PTPRT: variants seen among roughly 807,000 people sequenced by gnomAD.
The protein encoded by PTPRT is protein tyrosine phosphatase receptor type T.
Under a neutral mutation model 176.8 loss-of-function variants are expected in PTPRT, and 56 were observed. The ratio of observed to expected loss-of-function variants is 0.32; its 90% CI spans 0.26 to 0.40. The LOEUF is 0.40. Ranked by LOEUF, PTPRT falls within the 10% of genes least tolerant of loss-of-function variation. The pLI, the probability that PTPRT is intolerant of heterozygous loss-of-function variation, is 1.00. For synonymous variants in PTPRT, 783 were observed against 739.0 expected (o/e 1.06, Z -0.96); for missense variants, 1,540 against 1,908.2 (o/e 0.81, Z 3.60).
chr20:42,315,156 G>T (rs1351351884), intron 12 of PTPRT, among the ~76,000 whole-genome samples: 1 of 62,238 alleles, frequency 1.6e-5, no homozygotes, highest in East Asian at 2.6e-4. Flanking sequence ...CCGCAGTCCG[G>T]CCTGGGCGAC....
chr20:42,500,055 G>T (rs1465686856), intron 7 of PTPRT, among the ~76,000 whole-genome samples: 1 of 151,748 alleles, frequency 6.6e-6, no homozygotes, highest in Non-Finnish European at 1.5e-5. Context: ...CACTAACATG[G>T]TATGTCTCTT....
intron 4 of PTPRT, among the ~76,000 whole-genome samples, chr20:42,773,331 A>G (rs527827104): frequency 6.6e-6 from 1 of 152,182 alleles, no homozygotes; most frequent in Non-Finnish European, 1.5e-5. Flanking sequence ...GGTGCTTGAG[A>G]AGTGGCCTGG....
intron 7 of PTPRT, among the ~76,000 whole-genome samples, chr20:42,633,838 A>G (rs1392676123): frequency 3.2e-5 from 3 of 94,544 alleles, no homozygotes; most frequent in African/African-American, 1.4e-4. Flanking sequence ...TTAATATATT[A>G]TAATAATATA....
At chr20:42,652,654 C>T (rs2145974342) in intron 7 of PTPRT, among the ~76,000 whole-genome samples, 1 of 152,254 alleles carries the variant, frequency 6.6e-6, no homozygotes, top group Non-Finnish European at 1.5e-5. Flanking sequence ...CTACTGAAGA[C>T]ATTGATGCCT....
At chr20:42,919,191 A>AT (rs1482710710) in intron 1 of PTPRT, among the ~76,000 whole-genome samples, 1 of 152,194 alleles carries the variant, frequency 6.6e-6, no homozygotes, top group African/African-American at 2.4e-5. Flanking sequence ...GCATAAAGGG[A>AT]CACCCATTTA....
rs368430134 is a variant in PTPRT at position 42,075,746 on chromosome 20, C to T, written c.*5133G>A. On this transcript the variant is annotated 3_prime_UTR_variant, in exon 31 of 31. Transcript: ENST00000373187. ...TACTCTAAGGGGTTCCCACCAGCGA[C>T]GAGGAAATGTAGATCCTGGTGAGGA... 1.8e-4 allele frequency: 36 copies of T among 204,436 alleles called. No homozygotes were observed. Among genetic ancestry groups the T allele is most frequent in the East Asian group, 1.2e-3 (16 of 13,398 alleles). 12.7% of individuals were successfully genotyped at this position (204,436 alleles called of 1,614,324 possible). A position where few individuals can be genotyped will look rare whatever the true frequency, so the allele number is the denominator to read the frequency against.
intron 9 of PTPRT, among the ~76,000 whole-genome samples, chr20:42,384,718 C>T (rs868196640): frequency 6.6e-6 from 1 of 152,138 alleles, no homozygotes; most frequent in African/African-American, 2.4e-5. Context: ...ACATCTCCAC[C>T]AACAGTGTGC....
At chr20:42,166,941 G>C (rs1313256253) in intron 16 of PTPRT, among the ~76,000 whole-genome samples, 2 of 151,926 alleles carry the variant, frequency 1.3e-5, no homozygotes, top group East Asian at 3.9e-4. Context: ...AAAAAGGGGG[G>C]TCTGTTCATG....
intron 7 of PTPRT, among the ~76,000 whole-genome samples, chr20:42,480,640 GA>G (rs1316757302): frequency 2.0e-5 from 3 of 152,164 alleles, no homozygotes; most frequent in African/African-American, 7.2e-5. Context: ...GATGAAGCTT[GA>G]TAAGTCTTTT....
intron 14 of PTPRT, among the ~76,000 whole-genome samples, chr20:42,246,266 C>G (rs1460841780): frequency 6.6e-6 from 1 of 151,794 alleles, no homozygotes; most frequent in Non-Finnish European, 1.5e-5. Flanking sequence ...AGAGTGCAGG[C>G]CTATGTTCAA....
At position 42,282,483 on chromosome 20, in the gene PTPRT, A is replaced by G; in HGVS notation, c.2176+6T>C. The G allele has an allele frequency of 6.2e-7, 1 of 1,605,632 alleles. No individual in the cohort carries two copies. ...GGTGAAGACAGACAAGCAGATGCCA[A>G]CATACCTTTTGTAGCCAGACGAACA... On this transcript the variant is annotated splice_donor_region_variant and intron_variant, in intron 13 of 30. Transcript: ENST00000373187.
intron 7 of PTPRT, among the ~76,000 whole-genome samples, chr20:42,558,571 G>A (rs1464914486): frequency 6.6e-6 from 1 of 152,046 alleles, no homozygotes; most frequent in African/African-American, 2.4e-5. Flanking sequence ...CTGTTGGTGG[G>A]AGTGTGTATT....
At chr20:42,907,303 A>G (rs2079491004) in intron 1 of PTPRT, among the ~76,000 whole-genome samples, 1 of 152,162 alleles carries the variant, frequency 6.6e-6, no homozygotes, top group Non-Finnish European at 1.5e-5. Context: ...ACCTGAAAAA[A>G]CAATCGGATT....
chr20:43,088,333 G>GGTGTGTGTGTGT (rs67837016), intron 1 of PTPRT, among the ~76,000 whole-genome samples: 12 of 142,848 alleles, frequency 8.4e-5, no homozygotes, highest in African/African-American at 1.3e-4. Context: ...TTTGCTTTGG[G>GGTGTGTGTGTGT]GTGTGTGTGT....
intron 9 of PTPRT, among the ~76,000 whole-genome samples, chr20:42,412,596 G>A (rs886737109): frequency 6.6e-6 from 1 of 152,158 alleles, no homozygotes; most frequent in Non-Finnish European, 1.5e-5. Context: ...TCAAAGACTT[G>A]TACACAAATA....
chr20:42,115,314 A>G lies in PTPRT; in HGVS notation c.2984T>C (p.Val995Ala). The G allele has an allele frequency of 1.2e-6, 2 of 1,611,620 alleles. No individual in the cohort carries two copies. The highest frequency in any genetic ancestry group is 1.7e-6 in the Non-Finnish European group (2 of 1,177,910). ...MVTNLVEVGR[V>A]KCVRYWPDDT... is the part of the protein sequence containing the mutation. ...ATCTGGCCAGTATCGCACACATTTC[A>G]CCTGTGGCCAAGTGAGAGACAGAGA... The change falls in exon 22 of 31, where the codon GTG becomes GCG. Residue 995 changes from valine (V) to alanine (A), a missense_variant and splice_region_variant. Physicochemically the swap from Val to Ala is moderately conservative, Grantham distance 64. Transcript: ENST00000373187.
intron 6 of PTPRT, among the ~76,000 whole-genome samples, chr20:42,707,561 G>A (rs1308414777): frequency 6.9e-6 from 1 of 145,194 alleles, no homozygotes; most frequent in Non-Finnish European, 1.5e-5. Flanking sequence ...GAATGTGTGT[G>A]GCCTCTAGGA....
At chr20:42,192,906 C>T (rs1991055727) in intron 16 of PTPRT, among the ~76,000 whole-genome samples, 1 of 152,156 alleles carries the variant, frequency 6.6e-6, no homozygotes, top group Non-Finnish European at 1.5e-5. Context: ...GTGCGTACAT[C>T]CACTTGGCAG....
At chr20:42,161,883 C>T (rs1335877297) in intron 16 of PTPRT, among the ~76,000 whole-genome samples, 2 of 152,126 alleles carry the variant, frequency 1.3e-5, no homozygotes, top group Non-Finnish European at 2.9e-5. Flanking sequence ...TATTGGGAGC[C>T]CCCTCCTGTT....
Sources: gnomAD v4.1 joint callset for allele counts (sites outside exome capture counted in the v4.1 genomes callset) on GRCh38, gnomAD v4.1.1 for gene constraint, MANE v1.5 for transcripts, NCBI Gene and HGNC (gene_info 2026-07-23, HGNC 2026-07-21) for gene names.